Variants in CRACD observed in about 807,000 individuals in gnomAD.
CRACD encodes capping protein inhibiting regulator of actin dynamics, also known as capping protein-inhibiting regulator of actin dynamics.
Under a neutral mutation model 106.8 loss-of-function variants are expected in CRACD, and 56 were observed. That is an observed-to-expected ratio of 0.52 (90% CI 0.42 to 0.66). CRACD has a LOEUF of 0.66. Ranked by LOEUF, CRACD falls within the 30% of genes least tolerant of loss-of-function variation. The pLI is 0.00. For synonymous variants in CRACD, 754 were observed against 670.8 expected (o/e 1.12, Z -1.92); for missense variants, 1,730 against 1,623.2 (o/e 1.07, Z -1.13).
chr4:56,319,561 A>T (rs918352914), intron 8 of CRACD, among the ~76,000 whole-genome samples: 1 of 151,792 alleles, frequency 6.6e-6, no homozygotes. Context: ...CTGCGATCTC[A>T]CCACTGCACT....
chr4:56,080,864 G>A (rs13113844), intron 1 of CRACD, among the ~76,000 whole-genome samples: 54,262 of 152,114 alleles, frequency 0.36, 10,230 homozygotes, highest in African/African-American at 0.48. Context: ...ATTAACAAAG[G>A]CAACTGATAC....
chr4:56,276,538 A>AG (rs1742683474), intron 3 of CRACD, among the ~76,000 whole-genome samples: 2 of 152,362 alleles, frequency 1.3e-5, no homozygotes, highest in Non-Finnish European at 2.9e-5. Context: ...TATAATATTT[A>AG]CCACAACTAT....
intron 2 of CRACD, among the ~76,000 whole-genome samples, chr4:56,190,312 T>C (rs900330899): frequency 1.3e-5 from 2 of 151,978 alleles, no homozygotes; most frequent in African/African-American, 2.4e-5. Flanking sequence ...CTGCATGATT[T>C]ATAGTCCTTT....
rs772492898 is a variant in CRACD at position 56,314,257 on chromosome 4, G to A, written c.755G>A (p.Arg252Lys). 4 of 1,572,036 alleles carry A rather than the reference G, an allele frequency of 2.5e-6. No individual in the cohort carries two copies. The highest frequency in any genetic ancestry group is 3.5e-6 in the Non-Finnish European group (4 of 1,158,016). Reference protein sequence around the residue: ...AAEKRRLEEQRLQALERRLWE... With the variant: ...AAEKRRLEEQKLQALERRLWE... ...GAGAAGAGACGCCTAGAGGAGCAGA[G>A]GCTGCAGGCGCTGGAGAGGAGGCTT... is the stretch of plus-strand genomic sequence containing the variant. The change falls in exon 8 of 11, where the codon AGG (arginine) becomes AAG (lysine). Residue 252 changes from arginine to lysine, a missense_variant. By Grantham distance (26) the Arg-to-Lys change is conservative. Transcript: ENST00000682029. The surrounding 1 kb of genome is among the most constrained non-coding windows in gnomAD (Gnocchi z 4.4).
intron 10 of CRACD, among the ~76,000 whole-genome samples, chr4:56,325,761 C>G (rs1746400895): frequency 6.6e-6 from 1 of 152,180 alleles, no homozygotes; most frequent in Admixed American, 6.5e-5. Context: ...CCACTAGGCT[C>G]CACTATTCCC....
At chr4:56,232,424 A>C (rs562362831) in intron 2 of CRACD, among the ~76,000 whole-genome samples, 156 of 152,130 alleles carry the variant, frequency 1.0e-3, no homozygotes, top group African/African-American at 3.6e-3. Context: ...ATTGTTTCCT[A>C]TGTGGAGCTT....
intron 1 of CRACD, among the ~76,000 whole-genome samples, chr4:56,139,211 A>C (rs2127198): frequency 0.16 from 24,751 of 152,146 alleles, 2,751 homozygotes; most frequent in African/African-American, 0.3. Flanking sequence ...AATAATCATT[A>C]TATGTCATAA....
At chr4:56,240,962 G>A (rs1315669974) in intron 2 of CRACD, among the ~76,000 whole-genome samples, 3 of 152,172 alleles carry the variant, frequency 2.0e-5, no homozygotes, top group Non-Finnish European at 4.4e-5. Flanking sequence ...GCCCTGCCAC[G>A]CTGTCAGCAT....
At chr4:56,091,622 G>A (rs767863809) in intron 1 of CRACD, among the ~76,000 whole-genome samples, 28 of 152,210 alleles carry the variant, frequency 1.8e-4, no homozygotes, top group Admixed American at 1.5e-3. Flanking sequence ...TGCACTGGGC[G>A]TTTGAGGAGG....
intron 5 of CRACD, chr4:56,309,085 GAAAAT>G (rs1383476351): frequency 6.7e-6 from 3 of 449,044 alleles, no homozygotes; most frequent in African/African-American, 6.0e-5. Flanking sequence ...TGGCTGCACA[GAAAAT>G]AAAACAGGGT....
intron 3 of CRACD, among the ~76,000 whole-genome samples, chr4:56,293,186 A>G (rs1743796434): frequency 6.6e-6 from 1 of 152,206 alleles, no homozygotes; most frequent in African/African-American, 2.4e-5. Flanking sequence ...TGGTAGCTAT[A>G]ATAATGAGAA....
At chr4:56,193,690 A>C (rs1418132920) in intron 2 of CRACD, among the ~76,000 whole-genome samples, 1 of 152,244 alleles carries the variant, frequency 6.6e-6, no homozygotes, top group Non-Finnish European at 1.5e-5. Flanking sequence ...TTGTATACCC[A>C]GTGTCATACA....
At position 56,310,677 on chromosome 4, in the gene CRACD, G is replaced by T. The variant is rs554834644; in HGVS notation, c.297G>T (p.Thr99=). The part of the protein sequence containing the change: ...LSDAENKSSD[T]PSSLSPLNLP... ...TCTTACTGTTCCAGTCCAGTGATACGCCAAGTTCTCTAAGTCCTCTGAATC... is the reference window on the plus strand; with the variant it reads ...TCTTACTGTTCCAGTCCAGTGATACTCCAAGTTCTCTAAGTCCTCTGAATC... The change falls in exon 6 of 11, where the codon ACG becomes ACT. Residue 99 remains threonine (T), a synonymous_variant. Transcript: ENST00000682029. 1.2e-6 allele frequency: 2 copies of T among 1,610,126 alleles called. No individual in the cohort carries two copies. Among genetic ancestry groups the T allele is most frequent in the Non-Finnish European group, 1.7e-6 (2 of 1,176,458 alleles).
chr4:56,119,668 C>G lies in CRACD; in HGVS notation c.-335-59616C>G, dbSNP rs564580907. On this transcript the variant is annotated intron_variant, in intron 1 of 10. Coordinates refer to ENST00000682029, the MANE Select transcript of CRACD (RefSeq NM_001393381.1). Reference sequence around the variant, plus strand: ...AGTTTTTTCCACTTATATATCTCATCTAGTTTTACAATTTTAATCCTCATC... The same window carrying G: ...AGTTTTTTCCACTTATATATCTCATGTAGTTTTACAATTTTAATCCTCATC... Among the ~76,000 whole-genome samples the G allele has an allele frequency of 2.2e-3, 341 of 152,190 alleles. 3 individuals are homozygous for G. The highest frequency in any genetic ancestry group is 3.9e-3 in the Non-Finnish European group (262 of 68,006).
At chr4:56,301,402 G>A (rs1363921916) in intron 4 of CRACD, among the ~76,000 whole-genome samples, 1 of 152,142 alleles carries the variant, frequency 6.6e-6, no homozygotes, top group East Asian at 1.9e-4. Flanking sequence ...AGTTGTGTCT[G>A]AGGCATGTAT....
intron 2 of CRACD, among the ~76,000 whole-genome samples, chr4:56,224,680 C>T (rs746793587): frequency 6.6e-6 from 1 of 152,188 alleles, no homozygotes; most frequent in Non-Finnish European, 1.5e-5. Flanking sequence ...AGTACAACCT[C>T]TATATTGTAT....
At chr4:56,185,108 C>T (rs1737027720) in intron 2 of CRACD, among the ~76,000 whole-genome samples, 1 of 152,168 alleles carries the variant, frequency 6.6e-6, no homozygotes, top group Non-Finnish European at 1.5e-5. Context: ...AGGCGCCCAC[C>T]ACCACGCCCG....
intron 3 of CRACD, among the ~76,000 whole-genome samples, chr4:56,279,640 A>T (rs567545292): frequency 6.6e-6 from 1 of 152,236 alleles, no homozygotes; most frequent in African/African-American, 2.4e-5. Context: ...AAAGTCAGGA[A>T]ACAACAGGTG....
intron 1 of CRACD, among the ~76,000 whole-genome samples, chr4:56,169,753 G>A (rs7671821): frequency 0.33 from 50,649 of 151,906 alleles, 8,768 homozygotes; most frequent in Middle Eastern, 0.42. Context: ...CTGCCTTGGC[G>A]TCCCAAAGTG....
Sources: allele counts gnomAD v4.1 joint callset (sites outside exome capture counted in the v4.1 genomes callset), GRCh38; gene constraint gnomAD v4.1.1; non-coding constraint Gnocchi (gnomAD v3.1); transcripts MANE v1.5; gene names NCBI Gene and HGNC (gene_info 2026-07-23, HGNC 2026-07-21).